EPHA6: variants seen among roughly 807,000 people sequenced by gnomAD.
The protein encoded by EPHA6 is EPH receptor A6, also known as ephrin type-A receptor 6.
In EPHA6, 50 loss-of-function variants were observed where a neutral mutation model predicts 112.0. The ratio of observed to expected loss-of-function variants is 0.45; its 90% CI spans 0.36 to 0.56. The LOEUF is 0.56. Among genes scored for constraint, EPHA6 ranks in the 20% least tolerant of loss-of-function variants. The probability of loss-of-function intolerance (pLI) is 0.00; values close to 1 mark genes in which losing one functional copy is unlikely to be tolerated. For synonymous variants in EPHA6, 529 were observed against 490.7 expected, an observed-to-expected ratio of 1.08 and a Z score of -1.03; for missense variants, 1,280 against 1,417.4, an observed-to-expected ratio of 0.90 and a Z score of 1.56.
intron 2 of EPHA6, among the ~76,000 whole-genome samples, chr3:96,956,322 A>C (rs150341840): frequency 9.2e-5 from 14 of 152,330 alleles, no homozygotes; most frequent in African/African-American, 3.1e-4. Context: ...TGATGGATGA[A>C]TTAGAAAGTT....
At position 97,736,074 on chromosome 3, in the gene EPHA6, C is replaced by T; in HGVS notation, c.3084C>T (p.Ile1028=). The T allele has an allele frequency of 2.5e-6, 4 of 1,612,408 alleles. No homozygotes were observed. Among genetic ancestry groups the T allele is most frequent in the Non-Finnish European group, 1.7e-6 (2 of 1,179,068 alleles). The change falls in exon 16 of 18, where the codon ATC becomes ATT. Residue 1028 remains isoleucine, a synonymous_variant. Transcript: ENST00000389672. ...TTGTCAGCTTCCTTGACAAACTGAT[C>T]CGAAATCCCAGTGCCCTTCACACCC... ...TDIVSFLDKL[I]RNPSALHTLV...
At chr3:97,042,762 T>C (rs1457911804) in intron 3 of EPHA6, among the ~76,000 whole-genome samples, 1 of 152,128 alleles carries the variant, frequency 6.6e-6, no homozygotes, top group Non-Finnish European at 1.5e-5. Flanking sequence ...TAGAAGAGCA[T>C]ACACTTAGCT....
At chr3:96,888,750 T>C (rs1282333834) in intron 2 of EPHA6, among the ~76,000 whole-genome samples, 1 of 152,192 alleles carries the variant, frequency 6.6e-6, no homozygotes, top group African/African-American at 2.4e-5. Context: ...ACCCCTGACA[T>C]GGTCTGGAGA....
intron 5 of EPHA6, among the ~76,000 whole-genome samples, chr3:97,302,752 A>G (rs1376827746): frequency 1.3e-5 from 2 of 151,942 alleles, no homozygotes; most frequent in Non-Finnish European, 2.9e-5. Flanking sequence ...ATAATATTTT[A>G]TCTTTCCCAC....
chr3:97,047,516 A>G (rs1306109659), intron 3 of EPHA6, among the ~76,000 whole-genome samples: 6 of 150,566 alleles, frequency 4.0e-5, no homozygotes, highest in South Asian at 2.1e-4. Flanking sequence ...AAAAAAAAAA[A>G]AAAAAGAAAC....
intron 5 of EPHA6, among the ~76,000 whole-genome samples, chr3:97,246,861 C>A (rs2079001118): frequency 6.6e-6 from 1 of 151,856 alleles, no homozygotes; most frequent in Admixed American, 6.6e-5. Flanking sequence ...AATGCAGATA[C>A]TCCAGGTAAG....
chr3:97,581,026 A>T (rs1485927617), intron 11 of EPHA6, among the ~76,000 whole-genome samples: 2 of 152,210 alleles, frequency 1.3e-5, no homozygotes, highest in East Asian at 3.9e-4. Flanking sequence ...CCCCTCATGG[A>T]ATAGCATCCC....
intron 3 of EPHA6, among the ~76,000 whole-genome samples, chr3:97,098,868 C>T (rs540341252): frequency 1.6e-4 from 25 of 151,828 alleles, no homozygotes; most frequent in Non-Finnish European, 3.4e-4. Context: ...TTGGTGGGTT[C>T]TGCTGTCAGC....
intron 3 of EPHA6, among the ~76,000 whole-genome samples, chr3:97,103,142 TC>T (rs1294766652): frequency 6.6e-6 from 1 of 152,146 alleles, no homozygotes; most frequent in Non-Finnish European, 1.5e-5. Context: ...TTTAATTTGG[TC>T]CCATTTGTCA....
chr3:96,920,309 C>T (rs2039692886), intron 2 of EPHA6, among the ~76,000 whole-genome samples: 1 of 151,794 alleles, frequency 6.6e-6, no homozygotes, highest in Non-Finnish European at 1.5e-5. Flanking sequence ...AGAAAAGGTA[C>T]AGCAGATTTA....
intron 3 of EPHA6, among the ~76,000 whole-genome samples, chr3:97,214,591 C>A (rs772935411): frequency 6.6e-6 from 1 of 151,552 alleles, no homozygotes; most frequent in Non-Finnish European, 1.5e-5. Flanking sequence ...TTGATTTTTG[C>A]CATATGTATA....
chr3:96,978,919 T>C (rs2042638609), intron 2 of EPHA6, among the ~76,000 whole-genome samples: 1 of 152,196 alleles, frequency 6.6e-6, no homozygotes, highest in African/African-American at 2.4e-5. Flanking sequence ...ATTTCATAAA[T>C]GATATTTTCA....
intron 3 of EPHA6, among the ~76,000 whole-genome samples, chr3:97,085,380 C>T (rs1488985744): frequency 6.6e-6 from 1 of 152,018 alleles, no homozygotes; most frequent in Non-Finnish European, 1.5e-5. Flanking sequence ...ATCATAATAT[C>T]AAACTTGAAG....
intron 5 of EPHA6, among the ~76,000 whole-genome samples, chr3:97,261,230 A>G (rs2079492564): frequency 6.6e-6 from 1 of 152,190 alleles, no homozygotes; most frequent in Non-Finnish European, 1.5e-5. Flanking sequence ...TATATGAAAA[A>G]GGACTTCCCT....
At chr3:97,115,277 TG>T in intron 3 of EPHA6, among the ~76,000 whole-genome samples, 1 of 151,670 alleles carries the variant, frequency 6.6e-6, no homozygotes, top group Non-Finnish European at 1.5e-5. Context: ...GGAGCCTAAA[TG>T]GGAGGGAATA....
At chr3:96,983,283 A>G (rs2042883774) in intron 2 of EPHA6, among the ~76,000 whole-genome samples, 1 of 152,162 alleles carries the variant, frequency 6.6e-6, no homozygotes, top group African/African-American at 2.4e-5. Flanking sequence ...GTTTGTCTGT[A>G]AAGTATTTTA....
chr3:97,014,096 C>G (rs1286289514), intron 3 of EPHA6, among the ~76,000 whole-genome samples: 1 of 151,830 alleles, frequency 6.6e-6, no homozygotes, highest in Non-Finnish European at 1.5e-5. Context: ...TTAAACTTTC[C>G]TGTAAAATGT....
intron 16 of EPHA6, among the ~76,000 whole-genome samples, chr3:97,738,974 A>C (rs2035387235): frequency 6.6e-6 from 1 of 151,992 alleles, no homozygotes; most frequent in Non-Finnish European, 1.5e-5. Flanking sequence ...TACTTGCAAT[A>C]CCACCCACCC....
chr3:97,103,857 T>C (rs2047482750), intron 3 of EPHA6, among the ~76,000 whole-genome samples: 1 of 152,090 alleles, frequency 6.6e-6, no homozygotes, highest in South Asian at 2.1e-4. Flanking sequence ...GTAGAGCTTT[T>C]TCACCTCCCT....
Sources: allele counts gnomAD v4.1 joint callset (sites outside exome capture counted in the v4.1 genomes callset), GRCh38; gene constraint gnomAD v4.1.1; transcripts MANE v1.5; gene names NCBI Gene and HGNC (gene_info 2026-07-23, HGNC 2026-07-21).